Variants in DOP1B observed in about 807,000 individuals in gnomAD.
DOP1B encodes the protein protein DOP1B.
Under a neutral mutation model 233.5 loss-of-function variants are expected in DOP1B, and 174 were observed. The observed-to-expected ratio is 0.75, with a 90% CI of 0.66 to 0.85. The LOEUF is 0.85. Ranked by LOEUF, DOP1B falls within the 40% of genes least tolerant of loss-of-function variation. The probability of loss-of-function intolerance (pLI) is 0.00; values close to 1 mark genes in which losing one functional copy is unlikely to be tolerated. For missense variants in DOP1B, 2,652 were observed against 2,846.6 expected (o/e 0.93, Z 1.56); for synonymous variants, 1,190 against 1,185.6 (o/e 1.00, Z -0.08).
At chr21:36,238,493 A>C in intron 16 of DOP1B, 108 bp from the exon 17 acceptor site, 1 of 875,992 alleles carries the variant, frequency 1.1e-6, no homozygotes, top group African/African-American at 1.7e-5. Flanking sequence ...GGTTGCTGTC[A>C]GTTCTGCTGA....
chr21:36,232,082 G>A (rs990841594), intron 14 of DOP1B, among the ~76,000 whole-genome samples: 7 of 152,040 alleles, frequency 4.6e-5, no homozygotes, highest in African/African-American at 1.2e-4. Context: ...TTGACCTCGC[G>A]ATCCACCCGC....
chr21:36,158,150 GC>G (rs1326135620), intron 1 of DOP1B, among the ~76,000 whole-genome samples: 1 of 152,036 alleles, frequency 6.6e-6, no homozygotes, highest in Non-Finnish European at 1.5e-5. Flanking sequence ...GAGATTTCTT[GC>G]TGACATTTTC....
chr21:36,293,899 T>C lies in DOP1B; in HGVS notation c.*328T>C, dbSNP rs1246257787. 3.8e-6 allele frequency: 1 copy of C among 263,288 alleles called. No individual in the cohort carries two copies. The highest frequency in any genetic ancestry group is 9.6e-5 in the East Asian group (1 of 10,420). The allele number at this position is 263,288 out of a possible 1,614,324, so 16.3% of individuals were successfully genotyped here. On this transcript the variant is annotated 3_prime_UTR_variant, in exon 37 of 37. Transcript: ENST00000691173. ...TGGGAGGCTAAGGCATGAGAATTGC[T>C]TGAACCCAGGAGGTGGAGGCTGCAG... is the stretch of plus-strand genomic sequence containing the variant.
chr21:36,237,451 C>T, intron 16 of DOP1B, 37 bp downstream of exon 16: 1 of 1,611,108 alleles, frequency 6.2e-7, no homozygotes, highest in East Asian at 2.2e-5. Flanking sequence ...TCCTGCAGCA[C>T]CCCGGCCCCT....
At position 36,211,719 on chromosome 21, in the gene DOP1B, A is replaced by T. The variant is rs533023022; in HGVS notation, c.780+68A>T. On this transcript the variant is annotated intron_variant, in intron 6 of 36. Coordinates refer to ENST00000691173, the MANE Select transcript of DOP1B (RefSeq NM_001320714.2). The stretch of plus-strand genomic sequence containing the variant: ...AAGGGGTGGGATATAGATCTCAAGC[A>T]GTTCTGTCGTACGAGGACAGCTCAG... 31 of 1,522,028 alleles carry T rather than the reference A, an allele frequency of 2.0e-5. No homozygotes were observed. The African/African-American group carries it at 2.9e-4, about 14-fold the overall frequency. The allele number at this position is 1,522,028 out of a possible 1,614,324, so 94.3% of individuals were successfully genotyped here.
Position 36,225,668 on chromosome 21 carries a change from G to C in DOP1B, c.1473+1G>C, listed in dbSNP as rs756099172. On this transcript the variant is annotated splice_donor_variant, in intron 12 of 36. Coordinates refer to ENST00000691173, the MANE Select transcript of DOP1B (RefSeq NM_001320714.2). LOFTEE classifies it high-confidence loss of function. ...CTTCCTGCTGGATGTCATTCCTTTG[G>C]TGAGTGCTGGGGAAGGGACATCTCA... 1 of 1,614,072 alleles carries C rather than the reference G, an allele frequency of 6.2e-7. No individual in the cohort carries two copies. The highest frequency in any genetic ancestry group is 1.7e-5 in the Admixed American group (1 of 59,988).
At chr21:36,257,456 C>T (rs2067113102) in intron 23 of DOP1B, among the ~76,000 whole-genome samples, 1 of 152,212 alleles carries the variant, frequency 6.6e-6, no homozygotes, top group Non-Finnish European at 1.5e-5. Flanking sequence ...GGGTGTGGGA[C>T]AGGACCCTCT....
At chr21:36,265,855 C>T (rs2067224924) in intron 26 of DOP1B, among the ~76,000 whole-genome samples, 1 of 151,926 alleles carries the variant, frequency 6.6e-6, no homozygotes, top group Admixed American at 6.6e-5. Context: ...TCTGTGACCT[C>T]GTAACCAAAA....
At chr21:36,209,000 C>T (rs1430773528) in intron 5 of DOP1B, 96 bp downstream of exon 5, 4 of 1,305,816 alleles carry the variant, frequency 3.1e-6, no homozygotes, top group Non-Finnish European at 4.0e-6. Flanking sequence ...AAAGGGACAT[C>T]CAGGAAAGGG....
intron 27 of DOP1B, among the ~76,000 whole-genome samples, chr21:36,273,941 G>A (rs868161110): frequency 1.3e-5 from 2 of 152,092 alleles, no homozygotes; most frequent in Admixed American, 6.6e-5. Flanking sequence ...AGCCGGGTGT[G>A]GTGGCAGGTA....
intron 1 of DOP1B, among the ~76,000 whole-genome samples, chr21:36,164,272 G>A (rs576317592): frequency 3.9e-5 from 6 of 152,290 alleles, no homozygotes; most frequent in South Asian, 4.1e-4. Flanking sequence ...GCAGTGACCC[G>A]TGATCGTGCC....
rs771606826 is a variant in DOP1B at position 36,293,287 on chromosome 21, C to T, written c.6646-33C>T. 3 of 1,604,268 alleles carry T rather than the reference C, an allele frequency of 1.9e-6. No individual in the cohort carries two copies. In the Admixed American group the frequency reaches 5.1e-5, roughly 27 times the overall value. Reference sequence around the variant, plus strand: ...AGCCATCTCGAGCCCTCAGTAAAACCATATCATTGTTATGGGTTTGTTTTT... The same window carrying T: ...AGCCATCTCGAGCCCTCAGTAAAACTATATCATTGTTATGGGTTTGTTTTT... On this transcript the variant is annotated intron_variant, in intron 36 of 36. Transcript: ENST00000691173.
chr21:36,276,573 G>T (rs540439545), intron 27 of DOP1B, among the ~76,000 whole-genome samples: 1 of 151,988 alleles, frequency 6.6e-6, no homozygotes, highest in South Asian at 2.1e-4. Flanking sequence ...AGGCACGGTG[G>T]CTCACGCCTG....
chr21:36,253,766 TGGCAG>T lies in DOP1B; in HGVS notation c.5122-5_5122-1del. ...GCTTTCAAGGAACTTTTTTTTTTCTTGGCAGATTATCCCAACGGCAAGTGCATCCC... is the reference window on the plus strand; with the variant it reads ...GCTTTCAAGGAACTTTTTTTTTTCTTATTATCCCAACGGCAAGTGCATCCC... On this transcript the variant is annotated splice_acceptor_variant and splice_polypyrimidine_tract_variant and intron_variant, in intron 22 of 36. Coordinates refer to ENST00000691173, the MANE Select transcript of DOP1B (RefSeq NM_001320714.2). LOFTEE classifies it high-confidence loss of function. 7 of 1,608,246 alleles carry T rather than the reference TGGCAG, an allele frequency of 4.4e-6. No homozygotes were observed. The highest frequency in any genetic ancestry group is 3.4e-5 in the Admixed American group (2 of 58,844).
At chr21:36,196,574 T>C (rs1307656371) in intron 2 of DOP1B, among the ~76,000 whole-genome samples, 1 of 152,158 alleles carries the variant, frequency 6.6e-6, no homozygotes, top group Admixed American at 6.5e-5. Context: ...CATTATTTTA[T>C]TAGCATTCCC....
intron 5 of DOP1B, among the ~76,000 whole-genome samples, chr21:36,210,235 C>T (rs918643406): frequency 1.3e-5 from 2 of 152,058 alleles, no homozygotes; most frequent in Admixed American, 6.6e-5. Context: ...CGGCTGGGTG[C>T]GGTGACTCAT....
intron 2 of DOP1B, among the ~76,000 whole-genome samples, chr21:36,187,259 G>A (rs2066175714): frequency 1.4e-5 from 2 of 142,690 alleles, no homozygotes; most frequent in Admixed American, 1.4e-4. Context: ...TGTGGCCAGC[G>A]CCCATTCATC....
At chr21:36,194,937 G>A (rs1030101610) in intron 2 of DOP1B, among the ~76,000 whole-genome samples, 7 of 152,152 alleles carry the variant, frequency 4.6e-5, no homozygotes, top group African/African-American at 1.7e-4. Context: ...TGGGTACAGT[G>A]GCTGACACCT....
intron 30 of DOP1B, among the ~76,000 whole-genome samples, chr21:36,279,978 C>T (rs538322412): frequency 1.3e-3 from 200 of 152,276 alleles, no homozygotes; most frequent in African/African-American, 4.6e-3. Flanking sequence ...CGGGTTCAAG[C>T]GATTCTCCTG....
Sources: allele counts gnomAD v4.1 joint callset (sites outside exome capture counted in the v4.1 genomes callset), GRCh38; gene constraint gnomAD v4.1.1; transcripts MANE v1.5; gene names NCBI Gene and HGNC (gene_info 2026-07-23, HGNC 2026-07-21).